Variants in PPM1L observed in about 807,000 individuals in gnomAD.
PPM1L encodes the protein protein phosphatase 1L.
PPM1L carries 13 observed loss-of-function variants against 31.4 expected under a neutral mutation model. The observed-to-expected ratio is 0.41, with a 90% CI of 0.27 to 0.66. PPM1L has a LOEUF of 0.66. PPM1L is among the 30% of genes least tolerant of loss of function. The probability of loss-of-function intolerance (pLI) is 0.29; values close to 1 mark genes in which losing one functional copy is unlikely to be tolerated. For missense variants in PPM1L, 326 were observed against 453.7 expected (o/e 0.72, Z 2.56); for synonymous variants, 184 against 175.4 (o/e 1.05, Z -0.39).
chr3:160,972,370 C>T (rs1435123377), intron 2 of PPM1L, among the ~76,000 whole-genome samples: 1 of 136,488 alleles, frequency 7.3e-6, no homozygotes, highest in Non-Finnish European at 1.5e-5. Flanking sequence ...CCACAACAGT[C>T]CCCAGTGTGT....
At chr3:161,035,208 A>AT (rs1226977311) in intron 2 of PPM1L, among the ~76,000 whole-genome samples, 145 of 140,584 alleles carry the variant, frequency 1.0e-3, no homozygotes, top group African/African-American at 3.8e-3. Flanking sequence ...TTAAAGTATA[A>AT]TTAAAAAAAA....
intron 3 of PPM1L, among the ~76,000 whole-genome samples, chr3:161,068,048 T>C (rs189972835): frequency 1.2e-3 from 179 of 152,296 alleles, no homozygotes; most frequent in African/African-American, 4.2e-3. Flanking sequence ...TTCCATGGAG[T>C]AGGTATTTAG....
At chr3:161,007,709 C>A (rs1315236083) in intron 2 of PPM1L, among the ~76,000 whole-genome samples, 3 of 152,062 alleles carry the variant, frequency 2.0e-5, no homozygotes, top group African/African-American at 7.2e-5. Context: ...TGGCCCCAGA[C>A]AATTCTTCTT....
chr3:160,811,792 C>T (rs1712815632), intron 1 of PPM1L, among the ~76,000 whole-genome samples: 2 of 152,278 alleles, frequency 1.3e-5, no homozygotes, highest in African/African-American at 2.4e-5. Context: ...CAGTGCCTTC[C>T]CTTCCACTTA....
intron 1 of PPM1L, among the ~76,000 whole-genome samples, chr3:160,839,556 TC>T (rs1713809284): frequency 6.6e-6 from 1 of 152,224 alleles, no homozygotes; most frequent in South Asian, 2.1e-4. Context: ...TTTTGTGATT[TC>T]CCCTGAGTGT....
rs1718172154 is a variant in PPM1L, at chr3:161,019,258, A to C, written c.575-46145A>C. ...ACCCAGCCTGGGGTGCAGTGGCATA[A>C]TCATAGCTCATTGCAGTCTCAAACT... On this transcript the variant is annotated intron_variant, in intron 2 of 3. Coordinates refer to ENST00000498165, the MANE Select transcript of PPM1L (RefSeq NM_139245.4). Among the ~76,000 whole-genome samples the C allele has an allele frequency of 3.9e-5, 6 of 152,140 alleles. No homozygotes were observed. The South Asian group carries it at 1.2e-3, about 32-fold the overall frequency.
chr3:160,871,370 A>C (rs1576681287), intron 1 of PPM1L, among the ~76,000 whole-genome samples: 1 of 83,214 alleles, frequency 1.2e-5, no homozygotes, highest in African/African-American at 3.9e-5. Context: ...CATTATCAAA[A>C]AGGTCTTCAT....
At chr3:160,888,265 A>AG (rs1713004067) in intron 1 of PPM1L, among the ~76,000 whole-genome samples, 1 of 152,236 alleles carries the variant, frequency 6.6e-6, no homozygotes, top group Admixed American at 6.5e-5. Context: ...AAGACCCATT[A>AG]GCGTGCCATA....
chr3:160,944,016 T>G (rs1200662844), intron 1 of PPM1L, among the ~76,000 whole-genome samples: 3 of 152,296 alleles, frequency 2.0e-5, no homozygotes, highest in Admixed American at 2.0e-4. Context: ...CATCTGGAAC[T>G]TGCTTGTTGC....
intron 1 of PPM1L, among the ~76,000 whole-genome samples, chr3:160,833,571 A>T (rs1713589731): frequency 6.6e-6 from 1 of 151,984 alleles, no homozygotes. Context: ...GGCTGCATAA[A>T]TGTCTTCTTT....
At chr3:160,991,417 C>G (rs1218869529) in intron 2 of PPM1L, among the ~76,000 whole-genome samples, 2 of 152,152 alleles carry the variant, frequency 1.3e-5, no homozygotes, top group South Asian at 2.1e-4. Flanking sequence ...TGGCTTTCAT[C>G]AAACTACTTG....
At chr3:160,842,114 A>G in intron 1 of PPM1L, 3 of 615,336 alleles carry the variant, frequency 4.9e-6, no homozygotes, top group Non-Finnish European at 5.8e-6. Context: ...TACATAACCA[A>G]TACAGGGTTT....
chr3:161,036,851 C>T (rs12630250), intron 2 of PPM1L, among the ~76,000 whole-genome samples: 21,558 of 152,130 alleles, frequency 0.14, 2,402 homozygotes, highest in African/African-American at 0.3. Flanking sequence ...GGGACAAGTC[C>T]GTTTTTCCTG....
At chr3:160,917,376 G>A (rs1434753580) in intron 1 of PPM1L, among the ~76,000 whole-genome samples, 2 of 151,058 alleles carry the variant, frequency 1.3e-5, no homozygotes, top group African/African-American at 2.5e-5. Context: ...CAGTGAAAGT[G>A]TTTCAACTTT....
At chr3:160,861,064 G>A (rs894666129) in intron 1 of PPM1L, among the ~76,000 whole-genome samples, 2 of 152,138 alleles carry the variant, frequency 1.3e-5, no homozygotes, top group Non-Finnish European at 2.9e-5. Flanking sequence ...AGTAGAAAGA[G>A]GTTTTTCATA....
chr3:160,821,248 A>G (rs887750796), intron 1 of PPM1L, among the ~76,000 whole-genome samples: 2 of 147,944 alleles, frequency 1.4e-5, no homozygotes, highest in Non-Finnish European at 3.0e-5. Context: ...ATATAATTAT[A>G]TGTTTATATG....
intron 1 of PPM1L, among the ~76,000 whole-genome samples, chr3:160,835,016 C>T (rs1377568983): frequency 6.7e-6 from 1 of 149,028 alleles, no homozygotes; most frequent in Non-Finnish European, 1.5e-5. Context: ...CCTATTACTA[C>T]TACTACTACT....
In PPM1L at chr3:160,963,305, C is replaced by T. The variant is rs1716026795; in HGVS notation, c.574+1395C>T. On this transcript the variant is annotated intron_variant, in intron 2 of 3. Coordinates refer to ENST00000498165, the MANE Select transcript of PPM1L (RefSeq NM_139245.4). ...CTAATCAAGCTATGCTTTTACTACACTAATGCAGGTTCTCATTTGCTCAGT... is the reference window on the plus strand; with the variant it reads ...CTAATCAAGCTATGCTTTTACTACATTAATGCAGGTTCTCATTTGCTCAGT... 3.9e-5 allele frequency among the ~76,000 whole-genome samples: 6 copies of T among 152,036 alleles called. No individual in the cohort carries two copies. In the South Asian group the frequency reaches 1.2e-3, roughly 32 times the overall value.
At chr3:160,855,868 A>C (rs564484629) in intron 1 of PPM1L, among the ~76,000 whole-genome samples, 2 of 152,276 alleles carry the variant, frequency 1.3e-5, no homozygotes, top group East Asian at 3.9e-4. Context: ...AGGTTGTATT[A>C]GGGTTCTCTA....
Sources: allele counts gnomAD v4.1 joint callset (sites outside exome capture counted in the v4.1 genomes callset), GRCh38; gene constraint gnomAD v4.1.1; transcripts MANE v1.5; gene names NCBI Gene and HGNC (gene_info 2026-07-23, HGNC 2026-07-21).